The following TSPAN9 variants were observed in gnomAD, a reference collection of about 807,000 sequenced individuals.
TSPAN9 encodes tetraspanin-9.
TSPAN9 carries 16 observed loss-of-function variants against 31.0 expected under a neutral mutation model. The ratio of observed to expected loss-of-function variants is 0.52; its 90% CI spans 0.35 to 0.78. The LOEUF (loss-of-function observed/expected upper bound fraction) is 0.78, where lower values mean the gene tolerates loss of function less well. Among genes scored for constraint, TSPAN9 ranks in the 30% least tolerant of loss-of-function variants. The probability of loss-of-function intolerance (pLI) is 0.01; values close to 1 mark genes in which losing one functional copy is unlikely to be tolerated. For missense variants in TSPAN9, 272 were observed against 312.5 expected (o/e 0.87, Z 0.98); for synonymous variants, 145 against 121.6 (o/e 1.19, Z -1.27).
At chr12:3,112,886 G>T (rs1308937987) in intron 2 of TSPAN9, among the ~76,000 whole-genome samples, 3 of 151,790 alleles carry the variant, frequency 2.0e-5, no homozygotes, top group East Asian at 3.9e-4. Context: ...TTTAACTGTT[G>T]CCCAGGTTGG....
At chr12:3,199,706 C>T (rs1322408104) in intron 2 of TSPAN9, among the ~76,000 whole-genome samples, 1 of 152,130 alleles carries the variant, frequency 6.6e-6, no homozygotes, top group South Asian at 2.1e-4. Flanking sequence ...AGGAGCCTGG[C>T]GGAGCGCCTT....
chr12:3,237,109 T>G (rs907624891), intron 3 of TSPAN9, among the ~76,000 whole-genome samples: 16 of 152,044 alleles, frequency 1.1e-4, no homozygotes, highest in African/African-American at 3.9e-4. Flanking sequence ...GAAGCATGGG[T>G]AGAATGTGTC....
chr12:3,280,309 T>TGACCTGA lies in TSPAN9; in HGVS notation c.331-71_331-65dup. The TGACCTGA allele has an allele frequency of 7.3e-7, 1 of 1,370,982 alleles. No homozygotes were observed. The highest frequency in any genetic ancestry group is 1.7e-5 in the Admixed American group (1 of 58,746). 84.9% of individuals were successfully genotyped at this position (1,370,982 alleles called of 1,614,324 possible). ...CTCATCTGTCACCCACCATCCTGGG[T>TGACCTGA]GACCTGAGGTGGGCTGGAGAGACGA... On this transcript the variant is annotated intron_variant, in intron 5 of 8. Coordinates refer to ENST00000011898, the MANE Select transcript of TSPAN9 (RefSeq NM_006675.5). The surrounding 1 kb of genome is among the most constrained non-coding windows in gnomAD (Gnocchi z 4.5).
chr12:3,257,796 G>A (rs146282722), intron 3 of TSPAN9, among the ~76,000 whole-genome samples: 236 of 152,138 alleles, frequency 1.6e-3, no homozygotes, highest in African/African-American at 5.1e-3. Context: ...GCGGGGAGGC[G>A]ACTTGTGCAG....
intron 3 of TSPAN9, among the ~76,000 whole-genome samples, chr12:3,207,052 T>C (rs532632918): frequency 2.0e-5 from 3 of 151,866 alleles, no homozygotes; most frequent in Non-Finnish European, 4.4e-5. Flanking sequence ...AAACAAAGGG[T>C]CGTGCCAGTC....
At chr12:3,218,768 G>C (rs1419898872) in intron 3 of TSPAN9, among the ~76,000 whole-genome samples, 1 of 152,190 alleles carries the variant, frequency 6.6e-6, no homozygotes, top group Non-Finnish European at 1.5e-5. Context: ...ATCACCAGCT[G>C]CCTGTGTTCT....
intron 2 of TSPAN9, among the ~76,000 whole-genome samples, chr12:3,093,519 C>G (rs2098306026): frequency 6.6e-6 from 1 of 152,214 alleles, no homozygotes. Context: ...GGGCTGCGGA[C>G]TACCTCATGC....
chr12:3,089,542 T>TG (rs2098303054), intron 2 of TSPAN9, among the ~76,000 whole-genome samples: 1 of 151,812 alleles, frequency 6.6e-6, no homozygotes, highest in Non-Finnish European at 1.5e-5. Context: ...TGATCCGCCC[T>TG]CCTTGGCCTC....
At chr12:3,096,480 G>A (rs2153963980) in intron 2 of TSPAN9, among the ~76,000 whole-genome samples, 1 of 152,034 alleles carries the variant, frequency 6.6e-6, no homozygotes, top group African/African-American at 2.4e-5. Flanking sequence ...ATTCACTGGT[G>A]CTTTCCCTGT....
Position 3,201,247 on chromosome 12 carries a change from G to C in TSPAN9, c.54G>C (p.Leu18Phe). The C allele has an allele frequency of 1.2e-6, 2 of 1,614,082 alleles. No homozygotes were observed. Among genetic ancestry groups the C allele is most frequent in the South Asian group, 1.1e-5 (1 of 91,080 alleles). Residue 18 changes from leucine to phenylalanine, a missense_variant, in exon 3 of 9, where the codon TTG becomes TTC. Coordinates refer to ENST00000011898, the MANE Select transcript of TSPAN9 (RefSeq NM_006675.5). Reference sequence around the variant, plus strand: ...AGTACATGATGTTCCTCTTCAATTTGATATTCTGGGTAAGTCCTTCCGTTT... The same window carrying C: ...AGTACATGATGTTCCTCTTCAATTTCATATTCTGGGTAAGTCCTTCCGTTT... ...CLKYMMFLFN[L>F]IFWLCGCGLL... is the part of the protein sequence containing the mutation.
intron 2 of TSPAN9, among the ~76,000 whole-genome samples, chr12:3,152,979 A>C (rs933510740): frequency 1.3e-5 from 2 of 152,210 alleles, no homozygotes; most frequent in Non-Finnish European, 2.9e-5. Context: ...CACACACCTG[A>C]CGGGTGGGGG....
intron 2 of TSPAN9, among the ~76,000 whole-genome samples, chr12:3,132,459 G>A (rs1417780205): frequency 6.6e-6 from 1 of 151,460 alleles, no homozygotes; most frequent in African/African-American, 2.4e-5. Flanking sequence ...AAAAATTATG[G>A]CCATCCTAGA....
intron 3 of TSPAN9, among the ~76,000 whole-genome samples, chr12:3,214,085 G>C (rs1445126287): frequency 6.6e-6 from 1 of 152,224 alleles, no homozygotes; most frequent in African/African-American, 2.4e-5. Context: ...GTGATCCTGG[G>C]CAAACTGCTT....
intron 3 of TSPAN9, among the ~76,000 whole-genome samples, chr12:3,261,300 C>T (rs536189216): frequency 6.6e-6 from 1 of 152,282 alleles, no homozygotes; most frequent in African/African-American, 2.4e-5. Flanking sequence ...TTAATATTCA[C>T]AACAGCTTAA....
chr12:3,247,395 A>G (rs751561122), intron 3 of TSPAN9, among the ~76,000 whole-genome samples: 22 of 147,770 alleles, frequency 1.5e-4, no homozygotes, highest in Non-Finnish European at 3.0e-4. Context: ...GATGGGACCT[A>G]AAGATGTCTG....
chr12:3,233,121 C>T (rs562259312), intron 3 of TSPAN9, among the ~76,000 whole-genome samples: 1 of 152,256 alleles, frequency 6.6e-6, no homozygotes, highest in East Asian at 1.9e-4. Context: ...TAGGTCAAAC[C>T]GATTTTTTCC....
At chr12:3,196,882 A>G (rs1470003098) in intron 2 of TSPAN9, among the ~76,000 whole-genome samples, 1 of 152,252 alleles carries the variant, frequency 6.6e-6, no homozygotes, top group Non-Finnish European at 1.5e-5. Flanking sequence ...GGAAAGATCC[A>G]GGGACAATGA....
chr12:3,282,013 G>A (rs1009566934), intron 8 of TSPAN9, 196 bp downstream of exon 8: 47 of 750,644 alleles, frequency 6.3e-5, no homozygotes, highest in Admixed American at 2.2e-4. Context: ...ACTCAGCACT[G>A]AGAGTGGTGC....
intron 3 of TSPAN9, among the ~76,000 whole-genome samples, chr12:3,227,458 C>T (rs2098388444): frequency 6.6e-6 from 1 of 152,186 alleles, no homozygotes; most frequent in Non-Finnish European, 1.5e-5. Context: ...AGGTCAGACG[C>T]CTGAAGGGAC....
Sources: gnomAD v4.1 joint callset for allele counts (sites outside exome capture counted in the v4.1 genomes callset) on GRCh38, gnomAD v4.1.1 for gene constraint, Gnocchi (gnomAD v3.1) non-coding constraint, MANE v1.5 for transcripts, NCBI Gene and HGNC (gene_info 2026-07-23, HGNC 2026-07-21) for gene names.